Variants in LRMDA observed in about 807,000 individuals in gnomAD.
The protein encoded by LRMDA is leucine-rich melanocyte differentiation-associated protein.
LRMDA carries 18 observed loss-of-function variants against 29.8 expected under a neutral mutation model. The observed-to-expected ratio is 0.60, with a 90% CI of 0.42 to 0.90. The LOEUF (loss-of-function observed/expected upper bound fraction) is 0.90, where lower values mean the gene tolerates loss of function less well. Among genes scored for constraint, LRMDA ranks in the 40% least tolerant of loss-of-function variants. The pLI is 0.00. For synonymous variants in LRMDA, 125 were observed against 109.4 expected (o/e 1.14, Z -0.89); for missense variants, 273 against 273.9 (o/e 1.00, Z 0.02).
At chr10:75,439,002 C>G (rs1320039073) in intron 2 of LRMDA, among the ~76,000 whole-genome samples, 1 of 152,098 alleles carries the variant, frequency 6.6e-6, no homozygotes, top group African/African-American at 2.4e-5. Context: ...GATAATTTCT[C>G]CCGGATGGTG....
intron 2 of LRMDA, among the ~76,000 whole-genome samples, chr10:75,813,568 T>C (rs1465588366): frequency 6.6e-6 from 1 of 152,178 alleles, no homozygotes; most frequent in African/African-American, 2.4e-5. Flanking sequence ...GGTTTATATC[T>C]GGAGAGAGAG....
intron 2 of LRMDA, among the ~76,000 whole-genome samples, chr10:76,028,523 G>A (rs928425057): frequency 6.6e-6 from 1 of 152,078 alleles, no homozygotes; most frequent in Non-Finnish European, 1.5e-5. Flanking sequence ...GATTCTAACA[G>A]GATCATTTTG....
chr10:75,865,524 G>C (rs1845004421), intron 2 of LRMDA, among the ~76,000 whole-genome samples: 1 of 152,122 alleles, frequency 6.6e-6, no homozygotes, highest in African/African-American at 2.4e-5. Flanking sequence ...GATATGATGT[G>C]TTTTCCTTGT....
intron 6 of LRMDA, among the ~76,000 whole-genome samples, chr10:76,421,830 G>A (rs1427054653): frequency 6.6e-6 from 1 of 152,088 alleles, no homozygotes; most frequent in African/African-American, 2.4e-5. Context: ...ATTTGGTTTT[G>A]TCTCTTCGTA....
chr10:75,568,659 G>A (rs1840401535), intron 2 of LRMDA, among the ~76,000 whole-genome samples: 1 of 152,198 alleles, frequency 6.6e-6, no homozygotes, highest in Non-Finnish European at 1.5e-5. Context: ...GAAGTAGGAT[G>A]AAAGGTGTCA....
At chr10:76,493,088 A>G (rs1355895387) in intron 6 of LRMDA, among the ~76,000 whole-genome samples, 1 of 151,788 alleles carries the variant, frequency 6.6e-6, no homozygotes, top group African/African-American at 2.4e-5. Context: ...ATCCAGCCAG[A>G]CTCGTGTTCC....
At chr10:76,469,704 C>G (rs534871055) in intron 6 of LRMDA, among the ~76,000 whole-genome samples, 1 of 152,090 alleles carries the variant, frequency 6.6e-6, no homozygotes, top group South Asian at 2.1e-4. Context: ...ACTAATAACT[C>G]CATGAGAGCA....
In LRMDA at chr10:75,431,663, T is replaced by A; in HGVS notation, c.-62T>A. On this transcript the variant is annotated 5_prime_UTR_variant, in exon 1 of 7. Transcript: ENST00000611255. ...CGCCCGCCGCGCTCCCCTGCCGCGC[T>A]CCCCGCTGCTGCCGCCGCGCCCCCG... The A allele has an allele frequency of 8.1e-7, 1 of 1,238,094 alleles. No individual in the cohort carries two copies. The highest frequency in any genetic ancestry group is 1.0e-6 in the Non-Finnish European group (1 of 994,712). The allele number at this position is 1,238,094 out of a possible 1,614,324, so 76.7% of individuals were successfully genotyped here. A position where few individuals can be genotyped will look rare whatever the true frequency, so the allele number is the denominator to read the frequency against.
chr10:76,492,389 A>C (rs1023313481), intron 6 of LRMDA, among the ~76,000 whole-genome samples: 2 of 152,048 alleles, frequency 1.3e-5, no homozygotes, highest in African/African-American at 4.8e-5. Flanking sequence ...AATCTAAGCC[A>C]TATCTACATT....
chr10:75,580,557 G>GA (rs1840574962), intron 2 of LRMDA, among the ~76,000 whole-genome samples: 1 of 152,012 alleles, frequency 6.6e-6, no homozygotes, highest in African/African-American at 2.4e-5. Context: ...CACAGAATTG[G>GA]AAAAAACTAC....
At chr10:75,988,518 C>T (rs1014843831) in intron 2 of LRMDA, among the ~76,000 whole-genome samples, 2 of 151,022 alleles carry the variant, frequency 1.3e-5, no homozygotes, top group Non-Finnish European at 2.9e-5. Flanking sequence ...CATAAGACCA[C>T]CCCCACCCCC....
intron 5 of LRMDA, among the ~76,000 whole-genome samples, chr10:76,143,376 T>C (rs928743293): frequency 6.6e-6 from 1 of 152,208 alleles, no homozygotes; most frequent in African/African-American, 2.4e-5. Context: ...TTTTTAATGA[T>C]TGCCATTCTA....
At chr10:76,459,587 G>A (rs11814491) in intron 6 of LRMDA, among the ~76,000 whole-genome samples, 243 of 152,234 alleles carry the variant, frequency 1.6e-3, no homozygotes, top group African/African-American at 5.4e-3. Context: ...GTGCCACTGC[G>A]AAATGTGTGG....
At chr10:75,993,284 T>C (rs765368327) in intron 2 of LRMDA, among the ~76,000 whole-genome samples, 3 of 152,104 alleles carry the variant, frequency 2.0e-5, no homozygotes, top group Non-Finnish European at 4.4e-5. Flanking sequence ...TGAGAATTGC[T>C]CTCATTGCTG....
rs531197387 is a variant in LRMDA, at chr10:76,000,817, G to C, written c.132-35191G>C. Among the ~76,000 whole-genome samples, 14 of 152,284 alleles carry C rather than the reference G, an allele frequency of 9.2e-5. No homozygotes were observed. In the South Asian group the frequency reaches 2.9e-3, roughly 32 times the overall value. ...TTTCTTGGAAGTCTGATTACGTAAA[G>C]TTGATGTGAATAGGCAGGGAGCAGA... On this transcript the variant is annotated intron_variant, in intron 2 of 6. Coordinates refer to ENST00000611255, the MANE Select transcript of LRMDA (RefSeq NM_001305581.2).
At chr10:76,102,802 A>C (rs936364990) in intron 5 of LRMDA, among the ~76,000 whole-genome samples, 4 of 152,164 alleles carry the variant, frequency 2.6e-5, no homozygotes, top group African/African-American at 4.8e-5. Flanking sequence ...ATAGGTGTGC[A>C]CCACCATGCC....
At chr10:75,964,122 G>T (rs1846815897) in intron 2 of LRMDA, among the ~76,000 whole-genome samples, 1 of 152,066 alleles carries the variant, frequency 6.6e-6, no homozygotes, top group South Asian at 2.1e-4. Flanking sequence ...TGGGGAGGAG[G>T]GAAATAGCAC....
intron 2 of LRMDA, among the ~76,000 whole-genome samples, chr10:75,493,728 T>C (rs1316311415): frequency 6.6e-6 from 1 of 152,166 alleles, no homozygotes; most frequent in Non-Finnish European, 1.5e-5. Flanking sequence ...GGGTGCAGGC[T>C]TGGTCTTGGA....
At chr10:76,315,785 A>G (rs2093514) in intron 5 of LRMDA, among the ~76,000 whole-genome samples, 57,217 of 151,862 alleles carry the variant, frequency 0.38, 11,534 homozygotes, top group Non-Finnish European at 0.46. Flanking sequence ...CCGGGCTGCC[A>G]GTGCCGGGTG....
Sources: gnomAD v4.1 joint callset for allele counts (sites outside exome capture counted in the v4.1 genomes callset) on GRCh38, gnomAD v4.1.1 for gene constraint, MANE v1.5 for transcripts, NCBI Gene and HGNC (gene_info 2026-07-23, HGNC 2026-07-21) for gene names.